Variants in XYLT1 observed in about 807,000 individuals in gnomAD.
XYLT1 encodes the protein beta-D-xylosyltransferase 1.
A neutral mutation model predicts 91.3 loss-of-function variants in XYLT1; 36 were observed. The ratio of observed to expected loss-of-function variants is 0.39; its 90% CI spans 0.30 to 0.52. The LOEUF (loss-of-function observed/expected upper bound fraction) is 0.52. Among genes scored for constraint, XYLT1 ranks in the 20% least tolerant of loss-of-function variants. The pLI is 0.68. For missense variants in XYLT1, 1,242 were observed against 1,284.5 expected, an observed-to-expected ratio of 0.97 and a Z score of 0.51; for synonymous variants, 588 against 532.0, an observed-to-expected ratio of 1.11 and a Z score of -1.45.
chr16:17,175,572 C>T lies in XYLT1; in HGVS notation c.1290-16663G>A, dbSNP rs148358424. Among the ~76,000 whole-genome samples the T allele has an allele frequency of 3.2e-3, 488 of 152,292 alleles. 4 individuals are homozygous for T. Among genetic ancestry groups the T allele is most frequent in the African/African-American group, 0.01 (434 of 41,564 alleles). ...ATGCATCACCACTGGAGCCCGCAGG[C>T]GTGGTCATGGAGCCGGGAAGGAATG... On this transcript the variant is annotated intron_variant, in intron 5 of 11. Coordinates refer to ENST00000261381, the MANE Select transcript of XYLT1 (RefSeq NM_022166.4).
At chr16:17,436,554 A>G (rs1208144898) in intron 1 of XYLT1, among the ~76,000 whole-genome samples, 2 of 152,246 alleles carry the variant, frequency 1.3e-5, no homozygotes, top group African/African-American at 4.8e-5. Context: ...AGCTACTGCA[A>G]TCACATTCAG....
chr16:17,300,870 T>G (rs1032450998), intron 2 of XYLT1, among the ~76,000 whole-genome samples: 2 of 152,150 alleles, frequency 1.3e-5, no homozygotes, highest in Non-Finnish European at 2.9e-5. Flanking sequence ...ACGTACAGTT[T>G]GCTGCTATAA....
intron 10 of XYLT1, 125 bp from the exon 11 acceptor site, chr16:17,118,104 C>A: frequency 4.1e-6 from 4 of 973,744 alleles, no homozygotes; most frequent in Non-Finnish European, 5.9e-6. Flanking sequence ...ACTGAGGCTC[C>A]AACTAAGTCA....
intron 11 of XYLT1, among the ~76,000 whole-genome samples, chr16:17,112,179 C>T (rs1966843044): frequency 6.6e-6 from 1 of 152,194 alleles, no homozygotes; most frequent in South Asian, 2.1e-4. Context: ...ACAATATTAG[C>T]TTGCGATGCT....
intron 9 of XYLT1, among the ~76,000 whole-genome samples, chr16:17,132,700 C>T (rs894816247): frequency 7.9e-5 from 12 of 152,070 alleles, no homozygotes; most frequent in Non-Finnish European, 1.2e-4. Flanking sequence ...GTCAGGAGTT[C>T]GAGACCAGCC....
intron 2 of XYLT1, among the ~76,000 whole-genome samples, chr16:17,282,491 CA>C: frequency 6.6e-6 from 1 of 152,290 alleles, no homozygotes; most frequent in South Asian, 2.1e-4. Flanking sequence ...TAGCTGGAGG[CA>C]AAAATCGGCT....
intron 3 of XYLT1, among the ~76,000 whole-genome samples, chr16:17,252,697 G>A (rs567316795): frequency 4.6e-5 from 7 of 152,290 alleles, no homozygotes; most frequent in African/African-American, 1.2e-4. Flanking sequence ...TTCTGGACTC[G>A]ACATTTTCCC....
At chr16:17,189,829 A>C (rs2032269371) in intron 5 of XYLT1, among the ~76,000 whole-genome samples, 1 of 152,138 alleles carries the variant, frequency 6.6e-6, no homozygotes, top group Admixed American at 6.6e-5. Flanking sequence ...GGTAGATCAC[A>C]TGAGGTCAGG....
intron 2 of XYLT1, among the ~76,000 whole-genome samples, chr16:17,333,795 C>T (rs995988488): frequency 2.0e-5 from 3 of 151,830 alleles, no homozygotes; most frequent in African/African-American, 7.3e-5. Context: ...ACCATGTTGG[C>T]CAGACTGGTC....
At chr16:17,321,140 T>A (rs892414592) in intron 2 of XYLT1, among the ~76,000 whole-genome samples, 9 of 151,888 alleles carry the variant, frequency 5.9e-5, no homozygotes, top group African/African-American at 2.2e-4. Context: ...ACCCACAACA[T>A]CAGACTCCAG....
chr16:17,464,505 A>AG (rs897196570), intron 1 of XYLT1, among the ~76,000 whole-genome samples: 3 of 151,652 alleles, frequency 2.0e-5, no homozygotes, highest in African/African-American at 7.3e-5. Flanking sequence ...AAAAAAAAAA[A>AG]AAAGGAGCTA....
chr16:17,284,268 A>G (rs117189570), intron 2 of XYLT1, among the ~76,000 whole-genome samples: 2,792 of 152,268 alleles, frequency 0.018, 102 homozygotes, highest in Admixed American at 0.1. Context: ...TTTTTTTATT[A>G]TTACTTCTAT....
At chr16:17,120,622 C>A (rs1001449868) in intron 10 of XYLT1, among the ~76,000 whole-genome samples, 3 of 152,134 alleles carry the variant, frequency 2.0e-5, no homozygotes, top group Admixed American at 1.3e-4. Context: ...AGGTACATAT[C>A]TAAGCATTTG....
chr16:17,163,382 G>A (rs2031598030), intron 5 of XYLT1, among the ~76,000 whole-genome samples: 1 of 152,126 alleles, frequency 6.6e-6, no homozygotes, highest in South Asian at 2.1e-4. Context: ...GTATGGAAAA[G>A]GTGCCCTGGG....
intron 2 of XYLT1, among the ~76,000 whole-genome samples, chr16:17,263,163 G>C (rs1471334347): frequency 6.6e-6 from 1 of 151,748 alleles, no homozygotes; most frequent in Non-Finnish European, 1.5e-5. Context: ...AAGTTTCCCC[G>C]CCACACAACA....
At chr16:17,412,753 C>A (rs1034100625) in intron 1 of XYLT1, among the ~76,000 whole-genome samples, 1 of 152,124 alleles carries the variant, frequency 6.6e-6, no homozygotes, top group Non-Finnish European at 1.5e-5. Context: ...CCCAAGGAGA[C>A]CTAACAGAGA....
At chr16:17,394,397 C>T (rs371699157) in intron 1 of XYLT1, among the ~76,000 whole-genome samples, 5 of 152,268 alleles carry the variant, frequency 3.3e-5, no homozygotes, top group South Asian at 2.1e-4. Flanking sequence ...GGTCTCCACA[C>T]GATCCACCAA....
At chr16:17,434,425 T>A (rs929062144) in intron 1 of XYLT1, among the ~76,000 whole-genome samples, 14 of 152,240 alleles carry the variant, frequency 9.2e-5, no homozygotes, top group African/African-American at 3.4e-4. Context: ...CTTTCGTAAG[T>A]ATGCAATGAT....
chr16:17,413,327 A>G (rs2036136790), intron 1 of XYLT1, among the ~76,000 whole-genome samples: 1 of 152,152 alleles, frequency 6.6e-6, no homozygotes, highest in Non-Finnish European at 1.5e-5. Flanking sequence ...GTACCCACAC[A>G]TGAGCAAGGA....
Sources: gnomAD v4.1 joint callset for allele counts (sites outside exome capture counted in the v4.1 genomes callset) on GRCh38, gnomAD v4.1.1 for gene constraint, MANE v1.5 for transcripts, NCBI Gene and HGNC (gene_info 2026-07-23, HGNC 2026-07-21) for gene names.